Variants in DOP1B observed in about 807,000 individuals in gnomAD.
DOP1B encodes the protein protein DOP1B.
A neutral mutation model predicts 233.5 loss-of-function variants in DOP1B; 174 were observed. The ratio of observed to expected loss-of-function variants is 0.75; its 90% CI spans 0.66 to 0.85. The LOEUF (loss-of-function observed/expected upper bound fraction) is 0.85. Ranked by LOEUF, DOP1B falls within the 40% of genes least tolerant of loss-of-function variation. The pLI is 0.00. For missense variants in DOP1B, 2,652 were observed against 2,846.6 expected, an observed-to-expected ratio of 0.93 and a Z score of 1.56; for synonymous variants, 1,190 against 1,185.6, an observed-to-expected ratio of 1.00 and a Z score of -0.08.
intron 26 of DOP1B, 31 bp downstream of exon 26, chr21:36,263,845 A>G (rs2067203241): frequency 6.2e-7 from 1 of 1,602,458 alleles, no homozygotes; most frequent in Non-Finnish European, 8.5e-7. Flanking sequence ...CAGCCAAATG[A>G]TATTACCCCA....
At chr21:36,229,399 A>G (rs1027638018) in intron 13 of DOP1B, among the ~76,000 whole-genome samples, 3 of 152,142 alleles carry the variant, frequency 2.0e-5, no homozygotes, top group African/African-American at 4.8e-5. Flanking sequence ...TTGTCCAGGC[A>G]TCAGCCCAGT....
intron 2 of DOP1B, among the ~76,000 whole-genome samples, chr21:36,167,920 T>A (rs1409025685): frequency 1.2e-5 from 1 of 84,436 alleles, no homozygotes; most frequent in Non-Finnish European, 3.0e-5. Context: ...TCACATTTTC[T>A]TTTCTTTTCT....
At chr21:36,173,344 A>T (rs1321516683) in intron 2 of DOP1B, among the ~76,000 whole-genome samples, 1 of 152,060 alleles carries the variant, frequency 6.6e-6, no homozygotes, top group East Asian at 1.9e-4. Context: ...CTGTAGACAG[A>T]TTCTAATGGT....
intron 24 of DOP1B, chr21:36,261,595 G>C (rs2067172648): frequency 5.1e-6 from 5 of 985,178 alleles, no homozygotes; most frequent in Admixed American, 6.2e-5. Flanking sequence ...CCCAGGTGCA[G>C]CTCTGTGTTG....
rs60982930 is a variant in DOP1B at position 36,180,885 on chromosome 21, CA to C, written c.138+16028del. Among the ~76,000 whole-genome samples the C allele has an allele frequency of 7.6e-3, 1,018 of 134,564 alleles. 15 individuals carry two copies. Among genetic ancestry groups the C allele is most frequent in the East Asian group, 0.058 (270 of 4,620 alleles). The allele number at this position is 134,564 out of a possible 152,430, so 88.3% of individuals were successfully genotyped here. Reference sequence around the variant, plus strand: ...TGTCAGACAGAGTGAGACTGTGTCTCAAAAAAAAAAAAAAGTATTCACTTAT... The same window carrying C: ...TGTCAGACAGAGTGAGACTGTGTCTCAAAAAAAAAAAAAGTATTCACTTAT... On this transcript the variant is annotated intron_variant, in intron 2 of 36. Coordinates refer to ENST00000691173, the MANE Select transcript of DOP1B (RefSeq NM_001320714.2).
chr21:36,251,443 G>A (rs1197290271), intron 22 of DOP1B, among the ~76,000 whole-genome samples, 159 bp downstream of exon 22: 1 of 152,112 alleles, frequency 6.6e-6, no homozygotes, highest in Non-Finnish European at 1.5e-5. Context: ...ATTTGAGATG[G>A]AGTCTCTCTC....
At position 36,208,847 on chromosome 21, in the gene DOP1B, C is replaced by T. The variant is rs376449500; in HGVS notation, c.624C>T (p.Asn208=). ...CAGTCTTCGTGGTGGGCCACATCAA[C>T]AGGGATGCCCCCGGCCGGGAGCAGA... The part of the protein sequence containing the change: ...PASVFVVGHI[N]RDAPGREQKY... The change falls in exon 5 of 37, where the codon AAC becomes AAT. Residue 208 remains asparagine (N), a synonymous_variant. Transcript: ENST00000691173. The T allele has an allele frequency of 1.3e-6, 2 of 1,588,936 alleles. No individual in the cohort carries two copies. The highest frequency in any genetic ancestry group is 2.7e-5 in the African/African-American group (2 of 73,934).
chr21:36,200,130 T>C (rs946153446), intron 3 of DOP1B, among the ~76,000 whole-genome samples: 16 of 152,186 alleles, frequency 1.1e-4, no homozygotes, highest in Admixed American at 7.9e-4. Context: ...AACTTTAGCA[T>C]CTGAACGTGC....
intron 1 of DOP1B, among the ~76,000 whole-genome samples, chr21:36,160,983 G>T (rs1365799184): frequency 6.6e-6 from 1 of 152,202 alleles, no homozygotes; most frequent in Non-Finnish European, 1.5e-5. Context: ...TGTTTAGGAA[G>T]AAGAGGCAAA....
intron 15 of DOP1B, 79 bp downstream of exon 15, chr21:36,233,154 G>T: frequency 6.6e-7 from 1 of 1,511,506 alleles, no homozygotes; most frequent in Non-Finnish European, 8.9e-7. Context: ...GCTGGGGATG[G>T]GGGCAGTGGC....
intron 24 of DOP1B, among the ~76,000 whole-genome samples, chr21:36,263,207 C>G (rs1289441591): frequency 7.5e-6 from 1 of 133,564 alleles, no homozygotes; most frequent in Non-Finnish European, 1.5e-5. Context: ...GCACTCCAGC[C>G]TGGGCAACAA....
At position 36,237,421 on chromosome 21, in the gene DOP1B, C is replaced by G; in HGVS notation, c.2775+7C>G. On this transcript the variant is annotated splice_region_variant and intron_variant, in intron 16 of 36. Coordinates refer to ENST00000691173, the MANE Select transcript of DOP1B (RefSeq NM_001320714.2). ...CCTCCTGGACCCTGACAAGGTGAGC[C>G]TTTCTGGCCGCCACCTCCATCCTGC... 1 of 1,613,682 alleles carries G rather than the reference C, an allele frequency of 6.2e-7. No individual in the cohort carries two copies. Among genetic ancestry groups the G allele is most frequent in the Non-Finnish European group, 8.5e-7 (1 of 1,179,988 alleles).
chr21:36,180,795 C>A (rs898741683), intron 2 of DOP1B, among the ~76,000 whole-genome samples: 1 of 151,838 alleles, frequency 6.6e-6, no homozygotes, highest in African/African-American at 2.4e-5. Context: ...GCATGAGAAT[C>A]GCTTGAACCC....
In DOP1B at chr21:36,288,741, G is replaced by A. The variant is rs780998998; in HGVS notation, c.6298-15G>A. 2 of 1,569,670 alleles carry A rather than the reference G, an allele frequency of 1.3e-6. No individual in the cohort carries two copies. Among genetic ancestry groups the A allele is most frequent in the Non-Finnish European group, 8.7e-7 (1 of 1,146,934 alleles). On this transcript the variant is annotated splice_polypyrimidine_tract_variant and intron_variant, in intron 33 of 36. Transcript: ENST00000691173. ...ATCTGTCTCAGATAGTAACTTGAAT[G>A]CATTTTTTTTTCAGATTCAGACATT...
chr21:36,173,356 T>A (rs770111087), intron 2 of DOP1B, among the ~76,000 whole-genome samples: 2 of 152,134 alleles, frequency 1.3e-5, no homozygotes, highest in Non-Finnish European at 2.9e-5. Context: ...TCTAATGGTA[T>A]CATTTTCAAA....
chr21:36,165,381 A>G (rs1291409104), intron 2 of DOP1B, among the ~76,000 whole-genome samples: 1 of 152,130 alleles, frequency 6.6e-6, no homozygotes, highest in Non-Finnish European at 1.5e-5. Context: ...AAATATTGAA[A>G]TCTGCCCAAA....
At chr21:36,273,543 G>A (rs2067315099) in intron 27 of DOP1B, among the ~76,000 whole-genome samples, 1 of 152,174 alleles carries the variant, frequency 6.6e-6, no homozygotes, top group African/African-American at 2.4e-5. Flanking sequence ...GCCACTGTGA[G>A]TGTTACAGAA....
At chr21:36,183,207 C>T (rs956191010) in intron 2 of DOP1B, among the ~76,000 whole-genome samples, 1 of 152,166 alleles carries the variant, frequency 6.6e-6, no homozygotes, top group African/African-American at 2.4e-5. Flanking sequence ...TATTCCCATC[C>T]TGGCCTCCCT....
chr21:36,229,967 T>G (rs559528177), intron 13 of DOP1B, among the ~76,000 whole-genome samples: 9 of 150,620 alleles, frequency 6.0e-5, no homozygotes, highest in African/African-American at 2.2e-4. Flanking sequence ...CTGGCCTTAT[T>G]TTATTTCTTC....
Sources: allele counts gnomAD v4.1 joint callset (sites outside exome capture counted in the v4.1 genomes callset), GRCh38; gene constraint gnomAD v4.1.1; transcripts MANE v1.5; gene names NCBI Gene and HGNC (gene_info 2026-07-23, HGNC 2026-07-21).